The following DHRS12 variants were observed in gnomAD, a reference collection of about 807,000 sequenced individuals.
DHRS12 encodes the protein dehydrogenase/reductase SDR family member 12.
Under a neutral mutation model 32.1 loss-of-function variants are expected in DHRS12, and 29 were observed. The observed-to-expected ratio is 0.90, with a 90% CI of 0.67 to 1.23. The LOEUF (loss-of-function observed/expected upper bound fraction) is 1.23, where lower values mean the gene tolerates loss of function less well. Ranked by LOEUF, DHRS12 falls within the 50% of genes most tolerant of loss-of-function variation. The probability of loss-of-function intolerance (pLI) is 0.00; values close to 1 mark genes in which losing one functional copy is unlikely to be tolerated. For missense variants in DHRS12, 330 were observed against 337.2 expected (o/e 0.98, Z 0.17); for synonymous variants, 150 against 135.9 (o/e 1.10, Z -0.72).
chr13:51,784,647 A>C (rs1373261606), intron 4 of DHRS12, among the ~76,000 whole-genome samples: 2 of 152,204 alleles, frequency 1.3e-5, no homozygotes, highest in African/African-American at 4.8e-5. Context: ...GATATTAGGA[A>C]CAAAACGATG....
At chr13:51,771,059 C>G in intron 7 of DHRS12, 1 of 1,435,826 alleles carries the variant, frequency 7.0e-7, no homozygotes. Context: ...CCAGGCCCGG[C>G]TGGGAGGTCT....
At chr13:51,765,800 A>G (rs1052540203), downstream of DHRS12, 2 of 152,212 alleles carry the variant, frequency 1.3e-5, no homozygotes, top group East Asian at 3.8e-4. Flanking sequence ...AATTCTTTTT[A>G]AAGATGGTAA....
rs1276647088 is a variant in DHRS12, at chr13:51,795,789, G to A, written c.126+3745C>T. 2.0e-5 allele frequency among the ~76,000 whole-genome samples: 3 copies of A among 152,136 alleles called. No individual in the cohort carries two copies. In the East Asian group the frequency reaches 5.8e-4, roughly 29 times the overall value. On this transcript the variant is annotated intron_variant, in intron 2 of 8. Transcript: ENST00000444610. ...CCTTTCACCTAGCAATCTTCCTCTA[G>A]TAACTGCCATTGGCCAAACCCAGCC...
At chr13:51,776,099 C>A (rs927651144) in intron 5 of DHRS12, 1 of 75,812 alleles carries the variant, frequency 1.3e-5, no homozygotes, top group Non-Finnish European at 2.7e-5. Flanking sequence ...TACATGTATT[C>A]TACAGTATTC....
chr13:51,796,984 C>A (rs1345022465), intron 2 of DHRS12, among the ~76,000 whole-genome samples: 1 of 152,170 alleles, frequency 6.6e-6, no homozygotes, highest in African/African-American at 2.4e-5. Flanking sequence ...AGGGTCCATG[C>A]CTGAGGGTGG....
At chr13:51,786,307 G>T (rs1288147195) in intron 4 of DHRS12, among the ~76,000 whole-genome samples, 2 of 152,240 alleles carry the variant, frequency 1.3e-5, no homozygotes, top group Non-Finnish European at 2.9e-5. Flanking sequence ...GCGGGTGAGA[G>T]TTTTAATCTG....
chr13:51,769,056 G>A (rs927769629), intron 8 of DHRS12, 100 bp downstream of exon 8: 1 of 1,530,304 alleles, frequency 6.5e-7, no homozygotes, highest in African/African-American at 1.4e-5. Flanking sequence ...CCAGGGGACA[G>A]TCCCACCCCA....
downstream of DHRS12, chr13:51,766,814 A>C (rs528701871): frequency 2.6e-5 from 4 of 152,356 alleles, no homozygotes; most frequent in South Asian, 6.2e-4. Context: ...TGGTCCCATC[A>C]CGGTTACATG....
At chr13:51,773,715 C>T (rs1296022433) in intron 6 of DHRS12, among the ~76,000 whole-genome samples, 5 of 152,042 alleles carry the variant, frequency 3.3e-5, no homozygotes, top group African/African-American at 9.7e-5. Context: ...GACGCAGTGG[C>T]TTTGTGGCTC....
chr13:51,768,421 C>G, intron 8 of DHRS12, 125 bp from the exon 9 acceptor site: 1 of 1,470,324 alleles, frequency 6.8e-7, no homozygotes, highest in Non-Finnish European at 9.0e-7. Flanking sequence ...GCTGTTAGAC[C>G]CCCATCCCTG....
At chr13:51,790,299 G>A (rs997900229) in intron 3 of DHRS12, among the ~76,000 whole-genome samples, 1 of 152,118 alleles carries the variant, frequency 6.6e-6, no homozygotes, top group Non-Finnish European at 1.5e-5. Context: ...TGCAAAGATC[G>A]CCAAGTGAGA....
rs141763975 is a variant in DHRS12, at chr13:51,773,890, C to T, written c.468+40G>A. The T allele has an allele frequency of 3.1e-4, 490 of 1,563,972 alleles. 2 individuals carry two copies. The East Asian group carries it at 5.5e-3, about 18-fold the overall frequency. On this transcript the variant is annotated intron_variant, in intron 6 of 8. Transcript: ENST00000444610. ...TCCTTGGAAAAGGGCCCTCGCAGCCCGTGGGTAAAATGCAGTCTCAGGAAA... is the reference window on the plus strand; with the variant it reads ...TCCTTGGAAAAGGGCCCTCGCAGCCTGTGGGTAAAATGCAGTCTCAGGAAA...
Position 51,769,670 on chromosome 13 carries a change from G to C in DHRS12, c.560-377C>G, listed in dbSNP as rs1953924824. On this transcript the variant is annotated intron_variant, in intron 7 of 8. Coordinates refer to ENST00000444610, the MANE Select transcript of DHRS12 (RefSeq NM_001377533.1). Reference sequence around the variant, plus strand: ...GGCCCAGCAAACCACTTAGTCTCCTGGGTTCAGGAGCCCTCTCAAACCATC... The same window carrying C: ...GGCCCAGCAAACCACTTAGTCTCCTCGGTTCAGGAGCCCTCTCAAACCATC... 2.0e-5 allele frequency among the ~76,000 whole-genome samples: 3 copies of C among 152,182 alleles called. No homozygotes were observed. The South Asian group carries it at 6.2e-4, about 31-fold the overall frequency.
chr13:51,797,581 G>C (rs1200891985), intron 2 of DHRS12, among the ~76,000 whole-genome samples: 10 of 152,190 alleles, frequency 6.6e-5, no homozygotes, highest in Admixed American at 6.5e-4. Context: ...TCTGCCTGCT[G>C]GCCTCTGCTG....
intron 4 of DHRS12, among the ~76,000 whole-genome samples, chr13:51,778,130 G>A (rs1358794655): frequency 1.3e-5 from 2 of 152,230 alleles, no homozygotes; most frequent in Non-Finnish European, 2.9e-5. Context: ...GCCTCCCTCT[G>A]AACCCTGGCT....
intron 1 of DHRS12, among the ~76,000 whole-genome samples, chr13:51,800,424 T>C (rs1224003805): frequency 6.6e-6 from 1 of 152,254 alleles, no homozygotes; most frequent in Non-Finnish European, 1.5e-5. Flanking sequence ...TTCCTGGCTA[T>C]GAAATTGGCT....
chr13:51,771,350 G>A (rs773665028), intron 7 of DHRS12: 30 of 1,610,898 alleles, frequency 1.9e-5, no homozygotes, highest in Admixed American at 5.0e-5. Context: ...CCCCTCCACC[G>A]CTGCTCCAAC....
downstream of DHRS12, chr13:51,765,395 A>G (rs1953715796): frequency 6.6e-6 from 1 of 152,148 alleles, no homozygotes; most frequent in South Asian, 2.1e-4. Flanking sequence ...TAAAAATTAG[A>G]TCGGTCCTAA....
chr13:51,789,490 C>T (rs1955160472), intron 4 of DHRS12: 2 of 956,540 alleles, frequency 2.1e-6, no homozygotes, highest in Non-Finnish European at 2.5e-6. Context: ...GCATGTCTAT[C>T]AAGTTCCCAG....
Sources: gnomAD v4.1 joint callset for allele counts (sites outside exome capture counted in the v4.1 genomes callset) on GRCh38, gnomAD v4.1.1 for gene constraint, MANE v1.5 for transcripts, NCBI Gene and HGNC (gene_info 2026-07-23, HGNC 2026-07-21) for gene names.